The following WDFY3 variants were observed in gnomAD, a reference collection of about 807,000 sequenced individuals.
The protein encoded by WDFY3 is WD repeat and FYVE domain-containing protein 3.
In WDFY3, 66 loss-of-function variants were observed where a neutral mutation model predicts 409.6. The ratio of observed to expected loss-of-function variants is 0.16; its 90% CI spans 0.13 to 0.20. The LOEUF (loss-of-function observed/expected upper bound fraction) is 0.20. Ranked by LOEUF, WDFY3 falls within the 10% of genes least tolerant of loss-of-function variation. WDFY3 has a pLI of 1.00. For missense variants in WDFY3, 3,031 were observed against 4,298.1 expected (o/e 0.71, Z 8.24); for synonymous variants, 1,521 against 1,537.1 (o/e 0.99, Z 0.25).
At chr4:84,801,232 G>A (rs569491058) in intron 17 of WDFY3, among the ~76,000 whole-genome samples, 24 of 152,270 alleles carry the variant, frequency 1.6e-4, no homozygotes, top group African/African-American at 5.1e-4. Context: ...TATGTAAGGT[G>A]TAACTACTGG....
intron 1 of WDFY3, among the ~76,000 whole-genome samples, chr4:84,962,941 T>C (rs1198740733): frequency 2.0e-5 from 3 of 151,974 alleles, no homozygotes; most frequent in Admixed American, 6.6e-5. Context: ...CCCAAAGTGC[T>C]GGGATTACAG....
Position 84,831,527 on chromosome 4 carries a change from C to T in WDFY3, c.655G>A (p.Ala219Thr). The T allele has an allele frequency of 1.9e-6, 3 of 1,614,088 alleles. No individual in the cohort carries two copies. Among genetic ancestry groups the T allele is most frequent in the Non-Finnish European group, 2.5e-6 (3 of 1,180,000 alleles). Residue 219 changes from alanine (A) to threonine (T), a missense_variant, in exon 8 of 68, where the codon GCA (alanine) becomes ACA (threonine). Physicochemically the swap from Ala to Thr is moderately conservative, Grantham distance 58. Coordinates refer to ENST00000295888, the MANE Select transcript of WDFY3 (RefSeq NM_014991.6). Reference sequence around the variant, plus strand: ...TAGGGAGGGCACCAAGAGGTTATTGCACTGAATAGAAGCTGGAGATCATCT... The same window carrying T: ...TAGGGAGGGCACCAAGAGGTTATTGTACTGAATAGAAGCTGGAGATCATCT... ...QKDDLQLLFS[A>T]ITSWCPPYNL...
Position 84,672,946 on chromosome 4 carries a change from G to A in WDFY3, c.10503C>T (p.Ser3501=). The part of the protein sequence containing the change: ...QSEIKRLKIS[S]PVRVCQNCYY... Reference sequence around the variant, plus strand: ...AACAGTTCTGACAAACACGCACCGGGGATGAGATTTTCAAGCGTTTGATTT... The same window carrying A: ...AACAGTTCTGACAAACACGCACCGGAGATGAGATTTTCAAGCGTTTGATTT... Residue 3501 remains serine (S), a synonymous_variant, in exon 68 of 68, where the codon TCC becomes TCT. Coordinates refer to ENST00000295888, the MANE Select transcript of WDFY3 (RefSeq NM_014991.6). 1 of 1,614,018 alleles carries A rather than the reference G, an allele frequency of 6.2e-7. No individual in the cohort carries two copies. Among genetic ancestry groups the A allele is most frequent in the Non-Finnish European group, 8.5e-7 (1 of 1,179,972 alleles).
chr4:84,687,412 G>A (rs2148823673), intron 62 of WDFY3, among the ~76,000 whole-genome samples: 1 of 152,076 alleles, frequency 6.6e-6, no homozygotes, highest in African/African-American at 2.4e-5. Flanking sequence ...CAAAGTGCTG[G>A]GATTACAGGC....
chr4:84,727,619 G>C (rs1735877440), intron 44 of WDFY3, among the ~76,000 whole-genome samples: 1 of 152,174 alleles, frequency 6.6e-6, no homozygotes, highest in Admixed American at 6.5e-5. Context: ...TTGAGCTGTA[G>C]CATGTGGCTT....
At chr4:84,904,164 C>T (rs1766702831) in intron 2 of WDFY3, among the ~76,000 whole-genome samples, 2 of 152,204 alleles carry the variant, frequency 1.3e-5, no homozygotes, top group African/African-American at 2.4e-5. Context: ...CCTCACCAGA[C>T]ACTGAATCTG....
intron 3 of WDFY3, among the ~76,000 whole-genome samples, chr4:84,891,509 TAAATTG>T (rs1328242246): frequency 1.3e-5 from 2 of 152,174 alleles, no homozygotes; most frequent in African/African-American, 4.8e-5. Flanking sequence ...AATACACTAT[TAAATTG>T]AAATTTATTT....
chr4:84,728,644 C>T (rs1255401028), intron 44 of WDFY3, among the ~76,000 whole-genome samples: 4 of 152,100 alleles, frequency 2.6e-5, no homozygotes, highest in Admixed American at 1.3e-4. Context: ...TATATATACT[C>T]CCAGCCAGGA....
At chr4:84,879,719 A>C (rs1478282003) in intron 3 of WDFY3, among the ~76,000 whole-genome samples, 1 of 152,194 alleles carries the variant, frequency 6.6e-6, no homozygotes, top group Non-Finnish European at 1.5e-5. Context: ...AAATATTTGC[A>C]ACATCTATAA....
rs767715079 is a variant in WDFY3 at position 84,817,470 on chromosome 4, G to A, written c.1809C>T (p.Asp603=). Residue 603 remains aspartate, a synonymous_variant, in exon 13 of 68, where the codon GAC becomes GAT. Transcript: ENST00000295888. The part of the protein sequence containing the change: ...IQQLVLSPNG[D]DDMGTLLGLM... The stretch of plus-strand genomic sequence containing the variant: ...GCCCCAGGAGAGTGCCCATGTCATC[G>A]TCCCCATTTGGGGAGAGCACCAGCT... 5.0e-6 allele frequency: 8 copies of A among 1,613,646 alleles called. No homozygotes were observed. Among genetic ancestry groups the A allele is most frequent in the East Asian group, 2.2e-5 (1 of 44,862 alleles).
chr4:84,807,511 A>G (rs1161964331), intron 15 of WDFY3, among the ~76,000 whole-genome samples: 1 of 152,210 alleles, frequency 6.6e-6, no homozygotes, highest in Non-Finnish European at 1.5e-5. Flanking sequence ...GATTAAAACA[A>G]CAATATAGCA....
chr4:84,849,786 A>G (rs1001756151), intron 5 of WDFY3, 116 bp downstream of exon 5: 3 of 1,400,512 alleles, frequency 2.1e-6, no homozygotes, highest in East Asian at 2.4e-5. Flanking sequence ...GGGAATGGGT[A>G]AATGAACTCA....
chr4:84,941,456 C>T (rs999892033), intron 1 of WDFY3, among the ~76,000 whole-genome samples: 9 of 151,834 alleles, frequency 5.9e-5, no homozygotes, highest in African/African-American at 1.7e-4. Context: ...AATCTGTCTA[C>T]TGAAAACTAT....
intron 3 of WDFY3, among the ~76,000 whole-genome samples, chr4:84,888,342 TTATAGTAAAC>T (rs1160492823): frequency 6.6e-6 from 1 of 152,188 alleles, no homozygotes; most frequent in Non-Finnish European, 1.5e-5. Context: ...AAGTTCCAGA[TTATAGTAAAC>T]TATGATTGTG....
At chr4:84,891,443 A>G (rs1400491812) in intron 3 of WDFY3, among the ~76,000 whole-genome samples, 2 of 152,170 alleles carry the variant, frequency 1.3e-5, no homozygotes, top group Non-Finnish European at 2.9e-5. Context: ...ATTTTAATGC[A>G]TTAAAAATAT....
At chr4:84,710,315 A>T (rs1313303756) in intron 51 of WDFY3, among the ~76,000 whole-genome samples, 3 of 152,366 alleles carry the variant, frequency 2.0e-5, no homozygotes, top group African/African-American at 4.8e-5. Flanking sequence ...AGAAAATATG[A>T]ATATTGTATA....
At chr4:84,901,083 T>A (rs536454527) in intron 2 of WDFY3, among the ~76,000 whole-genome samples, 1 of 152,192 alleles carries the variant, frequency 6.6e-6, no homozygotes, top group South Asian at 2.1e-4. Flanking sequence ...TGTCCTCACA[T>A]GGCAGAAGGC....
intron 21 of WDFY3, among the ~76,000 whole-genome samples, chr4:84,792,351 GAAAGT>G (rs1748670620): frequency 6.6e-6 from 1 of 152,294 alleles, no homozygotes; most frequent in African/African-American, 2.4e-5. Context: ...CAATGGAGGT[GAAAGT>G]AAATATGAAC....
Position 84,944,193 on chromosome 4 carries a change from G to A in WDFY3, c.-225-11830C>T, listed in dbSNP as rs1035915920. Among the ~76,000 whole-genome samples, 9 of 152,116 alleles carry A rather than the reference G, an allele frequency of 5.9e-5. No individual in the cohort carries two copies. The East Asian group carries it at 1.2e-3, about 20-fold the overall frequency. On this transcript the variant is annotated intron_variant, in intron 1 of 67. Coordinates refer to ENST00000295888, the MANE Select transcript of WDFY3 (RefSeq NM_014991.6). ...AGCTTTATATAAGTATTATTTATTAGTCTTTAATTATTCCAAAATTATCAC... is the reference window on the plus strand; with the variant it reads ...AGCTTTATATAAGTATTATTTATTAATCTTTAATTATTCCAAAATTATCAC...
Sources: gnomAD v4.1 joint callset for allele counts (sites outside exome capture counted in the v4.1 genomes callset) on GRCh38, gnomAD v4.1.1 for gene constraint, MANE v1.5 for transcripts, NCBI Gene and HGNC (gene_info 2026-07-23, HGNC 2026-07-21) for gene names.